The following RTL4 variants were observed in gnomAD, a reference collection of about 807,000 sequenced individuals.
The protein encoded by RTL4 is retrotransposon Gag-like protein 4.
In RTL4, 4 loss-of-function variants were observed where a neutral mutation model predicts 5.3. That is an observed-to-expected ratio of 0.75 (90% CI 0.37 to 1.72). The LOEUF is 1.72. Ranked by LOEUF, RTL4 falls within the 40% of genes most tolerant of loss-of-function variation. The pLI is 0.04. For synonymous variants in RTL4, 98 were observed against 87.3 expected (o/e 1.12, Z -0.68); for missense variants, 260 against 227.1 (o/e 1.14, Z -0.93).
chrX:112,202,448 T>A, the RTL4 span, among the ~76,000 whole-genome samples: 3 of 110,578 alleles, frequency 2.7e-5, no homozygotes, highest in Non-Finnish European at 3.8e-5. Context: ...GTACAGGTTT[T>A]TAAGTGCATA....
the RTL4 span, among the ~76,000 whole-genome samples, chrX:112,420,996 T>C: frequency 8.9e-6 from 1 of 112,011 alleles, no homozygotes; most frequent in African/African-American, 3.2e-5. Context: ...TTCACCTTTT[T>C]TTTAATCCAG....
chrX:112,132,635 T>A, the RTL4 span, among the ~76,000 whole-genome samples: 2 of 112,257 alleles, frequency 1.8e-5, no homozygotes, highest in Non-Finnish European at 3.8e-5. Flanking sequence ...AGAATTACAG[T>A]GAATTCTGAG....
the RTL4 span, among the ~76,000 whole-genome samples, chrX:112,241,062 A>C: frequency 2.7e-5 from 3 of 110,740 alleles, no homozygotes; most frequent in Non-Finnish European, 5.7e-5. Flanking sequence ...TTAATCCAGT[A>C]TATCATTGAT....
chrX:112,098,264 C>T, the RTL4 span, among the ~76,000 whole-genome samples: 3 of 110,084 alleles, frequency 2.7e-5, no homozygotes, highest in East Asian at 8.6e-4. Context: ...CCAGCTTCAT[C>T]CATGTCCCTA....
the RTL4 span, among the ~76,000 whole-genome samples, chrX:112,155,552 G>A: frequency 9.0e-6 from 1 of 111,026 alleles, no homozygotes. Flanking sequence ...CCCTTCCAGT[G>A]GCCACTAGCC....
At chrX:112,166,176 G>T in the RTL4 span, among the ~76,000 whole-genome samples, 1 of 112,153 alleles carries the variant, frequency 8.9e-6, no homozygotes, top group South Asian at 3.7e-4. Context: ...AACACTCCAA[G>T]TGCCAGTGTA....
At chrX:112,113,704 G>A in the RTL4 span, among the ~76,000 whole-genome samples, 1 of 111,869 alleles carries the variant, frequency 8.9e-6, no homozygotes, top group African/African-American at 3.3e-5. Context: ...GCGCCTTCTA[G>A]TGATTACTTC....
chrX:112,168,428 C>G, the RTL4 span, among the ~76,000 whole-genome samples: 1 of 111,658 alleles, frequency 9.0e-6, no homozygotes, highest in Non-Finnish European at 1.9e-5. Context: ...TGAATAGGAA[C>G]TGGGTAAAAT....
chrX:112,276,651 G>C, the RTL4 span, among the ~76,000 whole-genome samples: 1 of 111,309 alleles, frequency 9.0e-6, no homozygotes, highest in South Asian at 3.8e-4. Context: ...ACAGCAGAAG[G>C]GCTCAAAGAC....
At chrX:112,128,832 A>C in the RTL4 span, among the ~76,000 whole-genome samples, 1 of 111,201 alleles carries the variant, frequency 9.0e-6, no homozygotes, top group East Asian at 2.8e-4. Flanking sequence ...CAAATAAATA[A>C]ATTAGACTTC....
the RTL4 span, among the ~76,000 whole-genome samples, chrX:112,083,567 A>G: frequency 9.0e-6 from 1 of 111,141 alleles, no homozygotes; most frequent in Non-Finnish European, 1.9e-5. Flanking sequence ...TCTCACCCAT[A>G]GGGTCGATCT....
the RTL4 span, among the ~76,000 whole-genome samples, chrX:112,175,929 A>C: frequency 9.0e-6 from 1 of 110,872 alleles, no homozygotes; most frequent in South Asian, 3.9e-4. Context: ...GGAAAAGAGG[A>C]AGTCAAATTG....
At chrX:112,171,313 T>C in the RTL4 span, among the ~76,000 whole-genome samples, 1 of 112,133 alleles carries the variant, frequency 8.9e-6, no homozygotes, top group Admixed American at 9.4e-5. Context: ...TTGTTTGGAA[T>C]AGTTTCAGTA....
chrX:112,146,011 G>A, the RTL4 span, among the ~76,000 whole-genome samples: 1 of 112,214 alleles, frequency 8.9e-6, no homozygotes, highest in South Asian at 3.7e-4. Context: ...CAAATTGCTT[G>A]ACTATTGATT....
At chrX:112,264,766 G>C in the RTL4 span, among the ~76,000 whole-genome samples, 5 of 111,823 alleles carry the variant, frequency 4.5e-5, no homozygotes, top group Non-Finnish European at 9.4e-5. Context: ...TGCAGAAGGG[G>C]TCTGTGTGTC....
the RTL4 span, among the ~76,000 whole-genome samples, chrX:112,229,877 C>T: frequency 8.9e-6 from 1 of 111,868 alleles, no homozygotes; most frequent in African/African-American, 3.2e-5. Flanking sequence ...GCTGCCTGAT[C>T]GTTCCTCTGG....
At chrX:112,108,994 C>T in the RTL4 span, among the ~76,000 whole-genome samples, 3 of 110,322 alleles carry the variant, frequency 2.7e-5, no homozygotes, top group African/African-American at 9.9e-5. Flanking sequence ...TTTCTCTTTC[C>T]CTCAAGCAGA....
the RTL4 span, among the ~76,000 whole-genome samples, chrX:112,299,854 T>C: frequency 5.4e-5 from 6 of 111,317 alleles, no homozygotes; most frequent in Non-Finnish European, 9.4e-5. Flanking sequence ...TATAAACTAA[T>C]ATTTAGTGAT....
the RTL4 span, among the ~76,000 whole-genome samples, chrX:112,226,984 TAAAAC>T: frequency 5.5e-5 from 2 of 36,636 alleles, no homozygotes; most frequent in Non-Finnish European, 1.3e-4. Flanking sequence ...TAAAATAAAA[TAAAAC>T]AAAATAAAAT....
Sources: allele counts gnomAD v4.1 joint callset (sites outside exome capture counted in the v4.1 genomes callset), GRCh38; gene constraint gnomAD v4.1.1; transcripts MANE v1.5; gene names NCBI Gene and HGNC (gene_info 2026-07-23, HGNC 2026-07-21).